The following ITGAL variants were observed in gnomAD, a reference collection of about 807,000 sequenced individuals.
ITGAL encodes the protein integrin alpha-L.
A neutral mutation model predicts 138.4 loss-of-function variants in ITGAL; 68 were observed. That is an observed-to-expected ratio of 0.49 (90% CI 0.40 to 0.60). The LOEUF is 0.60. Ranked by LOEUF, ITGAL falls within the 20% of genes least tolerant of loss-of-function variation. The probability of loss-of-function intolerance (pLI) is 0.00; values close to 1 mark genes in which losing one functional copy is unlikely to be tolerated. For missense variants in ITGAL, 1,256 were observed against 1,478.6 expected (o/e 0.85, Z 2.47); for synonymous variants, 561 against 584.3 (o/e 0.96, Z 0.57).
intron 25 of ITGAL, among the ~76,000 whole-genome samples, chr16:30,514,825 CTT>C (rs35701226): frequency 7.3e-4 from 98 of 134,184 alleles, no homozygotes; most frequent in Middle Eastern, 3.8e-3. Context: ...TTTTTCTTTT[CTT>C]TTTTTTTTTT....
intron 24 of ITGAL, among the ~76,000 whole-genome samples, chr16:30,513,478 G>C (rs36005709): frequency 3.5e-3 from 531 of 152,298 alleles, no homozygotes; most frequent in Non-Finnish European, 5.8e-3. Flanking sequence ...GAGATGAGCA[G>C]GGCCCAGAGG....
intron 30 of ITGAL, 60 bp downstream of exon 30, chr16:30,520,027 G>C: frequency 7.8e-7 from 1 of 1,279,750 alleles, no homozygotes; most frequent in Non-Finnish European, 1.1e-6. Flanking sequence ...AAGGGGATCT[G>C]GTGGGAGCCA....
chr16:30,485,788 C>T (rs987130257), intron 9 of ITGAL, among the ~76,000 whole-genome samples: 1 of 151,910 alleles, frequency 6.6e-6, no homozygotes, highest in Non-Finnish European at 1.5e-5. Context: ...CCCACCTCGG[C>T]CTCCTAAAGT....
chr16:30,508,300 G>A (rs192412786), intron 21 of ITGAL, among the ~76,000 whole-genome samples: 4,072 of 132,272 alleles, frequency 0.031, 144 homozygotes, highest in African/African-American at 0.1. Flanking sequence ...TGCAACCTCC[G>A]CCTCCCAGGT....
At chr16:30,486,123 A>T (rs1046643455) in intron 9 of ITGAL, among the ~76,000 whole-genome samples, 1 of 152,182 alleles carries the variant, frequency 6.6e-6, no homozygotes, top group Non-Finnish European at 1.5e-5. Context: ...GCATTTCCCC[A>T]GGAAGCTTAC....
intron 21 of ITGAL, among the ~76,000 whole-genome samples, chr16:30,507,143 T>C (rs1237130594): frequency 6.6e-6 from 1 of 151,844 alleles, no homozygotes; most frequent in Non-Finnish European, 1.5e-5. Context: ...GCCAACATGG[T>C]GAAACCCTGT....
chr16:30,489,203 T>TG (rs775755000), intron 10 of ITGAL, 48 bp downstream of exon 10: 22 of 1,613,638 alleles, frequency 1.4e-5, no homozygotes, highest in South Asian at 8.8e-5. Context: ...CAGTTGGCTC[T>TG]GGGGGGTGGG....
intron 15 of ITGAL, among the ~76,000 whole-genome samples, chr16:30,497,272 G>A (rs2050815667): frequency 1.3e-5 from 2 of 151,742 alleles, no homozygotes; most frequent in South Asian, 4.2e-4. Flanking sequence ...GAACCCAGGA[G>A]GCGGAGCTTG....
rs1273137865 is a variant in ITGAL, at chr16:30,523,057, A to T, written c.*1392A>T. 1 of 152,396 alleles carries T rather than the reference A, an allele frequency of 6.6e-6. No homozygotes were observed. Among genetic ancestry groups the T allele is most frequent in the East Asian group, 1.9e-4 (1 of 5,204 alleles). 9.4% of individuals were successfully genotyped at this position (152,396 alleles called of 1,614,324 possible). ...AGCTCCACACCCTCTCCCAGGACCC[A>T]TCACGCCTGTGCAGTGGCCCCCACA... On this transcript the variant is annotated 3_prime_UTR_variant, in exon 31 of 31. Transcript: ENST00000356798.
chr16:30,479,257 C>T, intron 5 of ITGAL, 49 bp downstream of exon 5: 3 of 1,612,346 alleles, frequency 1.9e-6, no homozygotes, highest in Non-Finnish European at 2.5e-6. Context: ...AATGGCTGTC[C>T]CTAGAGAGAA....
At chr16:30,474,847 TTTTTTTTTTTTTC>T (rs1459430086) in intron 2 of ITGAL, among the ~76,000 whole-genome samples, 18 of 117,648 alleles carry the variant, frequency 1.5e-4, no homozygotes, top group Admixed American at 3.4e-4. Context: ...AGGCATCTTC[TTTTTTTTTTTTTC>T]TTTTTTTTTT....
At chr16:30,496,342 G>A in intron 14 of ITGAL, 48 bp downstream of exon 14, 1 of 1,605,422 alleles carries the variant, frequency 6.2e-7, no homozygotes, top group Non-Finnish European at 8.5e-7. Flanking sequence ...GGTGCCCTAA[G>A]CCCCCAAGCC....
Position 30,517,567 on chromosome 16 carries a change from G to A in ITGAL, c.2977-82G>A. 15 of 1,195,868 alleles carry A rather than the reference G, an allele frequency of 1.3e-5. No individual in the cohort carries two copies. In the South Asian group the frequency reaches 1.7e-4, roughly 14 times the overall value. 74.1% of individuals were successfully genotyped at this position (1,195,868 alleles called of 1,614,324 possible). ...ATGTCTGAACTCACCCAGGGCCAGGGCCAGGGCAGGGGAAAGCTGGGATGC... is the reference window on the plus strand; with the variant it reads ...ATGTCTGAACTCACCCAGGGCCAGGACCAGGGCAGGGGAAAGCTGGGATGC... On this transcript the variant is annotated intron_variant, in intron 26 of 30. Coordinates refer to ENST00000356798, the MANE Select transcript of ITGAL (RefSeq NM_002209.3).
chr16:30,510,828 G>A, intron 22 of ITGAL, 53 bp from the exon 23 acceptor site: 1 of 1,414,216 alleles, frequency 7.1e-7, no homozygotes, highest in East Asian at 2.3e-5. Context: ...TGGGGGCCAT[G>A]AGGCTGCTCC....
intron 17 of ITGAL, 24 bp from the exon 18 acceptor site, chr16:30,504,151 A>C: frequency 6.5e-7 from 1 of 1,546,122 alleles, no homozygotes; most frequent in East Asian, 2.2e-5. Context: ...TTCATGACAT[A>C]GGCTGTATTC....
intron 4 of ITGAL, among the ~76,000 whole-genome samples, chr16:30,478,285 G>A (rs1034528193): frequency 2.0e-5 from 3 of 148,524 alleles, no homozygotes; most frequent in African/African-American, 7.5e-5. Context: ...AGTGAGCCAA[G>A]ATCGCACCAC....
intron 1 of ITGAL, among the ~76,000 whole-genome samples, chr16:30,473,143 CAGAT>C (rs2050417817): frequency 6.6e-6 from 1 of 152,048 alleles, no homozygotes; most frequent in South Asian, 2.1e-4. Context: ...TTTAAAAAGA[CAGAT>C]AGGGCCAGGC....
rs769390902 is a variant in ITGAL, at chr16:30,496,112, G to A, written c.1519G>A (p.Val507Ile). 1 of 1,613,790 alleles carries A rather than the reference G, an allele frequency of 6.2e-7. No individual in the cohort carries two copies. The highest frequency in any genetic ancestry group is 8.5e-7 in the Non-Finnish European group (1 of 1,179,988). Residue 507 changes from valine (V) to isoleucine (I), a missense_variant, in exon 14 of 31, where the codon GTC becomes ATC. By Grantham distance (29) the Val-to-Ile change is conservative. Transcript: ENST00000356798. Reference sequence around the variant, plus strand: ...TACTTCCTAGTTGGGGTTTGAAGAAGTCTCAGAGCTGCAGGGGGACCCCGG... The same window carrying A: ...TACTTCCTAGTTGGGGTTTGAAGAAATCTCAGAGCTGCAGGGGGACCCCGG... ...YQRRQLGFEE[V>I]SELQGDPGYP...
At chr16:30,514,117 C>G (rs1165820951) in intron 25 of ITGAL, among the ~76,000 whole-genome samples, 2 of 152,142 alleles carry the variant, frequency 1.3e-5, no homozygotes, top group Admixed American at 1.3e-4. Flanking sequence ...CATAACAACA[C>G]TGAATGAGCT....
Sources: allele counts gnomAD v4.1 joint callset (sites outside exome capture counted in the v4.1 genomes callset), GRCh38; gene constraint gnomAD v4.1.1; transcripts MANE v1.5; gene names NCBI Gene and HGNC (gene_info 2026-07-23, HGNC 2026-07-21).